TBC1D30: variants seen among roughly 807,000 people sequenced by gnomAD.
TBC1D30 encodes TBC1 domain family member 30.
A neutral mutation model predicts 63.2 loss-of-function variants in TBC1D30; 31 were observed. The observed-to-expected ratio is 0.49, with a 90% CI of 0.37 to 0.66. The LOEUF is 0.66. TBC1D30 is among the 30% of genes least tolerant of loss of function. The probability of loss-of-function intolerance (pLI) is 0.00; values close to 1 mark genes in which losing one functional copy is unlikely to be tolerated. For synonymous variants in TBC1D30, 307 were observed against 361.5 expected (o/e 0.85, Z 1.71); for missense variants, 810 against 953.6 (o/e 0.85, Z 1.98).
chr12:64,796,368 T>G (rs1378155242), intron 2 of TBC1D30, among the ~76,000 whole-genome samples: 2 of 151,664 alleles, frequency 1.3e-5, no homozygotes, highest in South Asian at 4.2e-4. Context: ...GACTCAGGAG[T>G]TTTTTGTTTG....
At chr12:64,797,653 T>C (rs942944976) in intron 2 of TBC1D30, among the ~76,000 whole-genome samples, 1 of 151,918 alleles carries the variant, frequency 6.6e-6, no homozygotes, top group Non-Finnish European at 1.5e-5. Context: ...CTCTCTCTCT[T>C]TCCCTTTTTA....
Position 64,878,259 on chromosome 12 carries a change from T to C in TBC1D30, c.*2471T>C, listed in dbSNP as rs1879225963. 1 of 333,270 alleles carries C rather than the reference T, an allele frequency of 3.0e-6. No homozygotes were observed. Among genetic ancestry groups the C allele is most frequent in the Admixed American group, 3.9e-5 (1 of 25,910 alleles). 20.6% of individuals were successfully genotyped at this position (333,270 alleles called of 1,614,324 possible). ...ATGTGAATTGGTCAATTTATGAGCC[T>C]TGCCTACTTTAGAAAATAAAGAAAC... is the stretch of plus-strand genomic sequence containing the variant. On this transcript the variant is annotated 3_prime_UTR_variant, in exon 12 of 12. Coordinates refer to ENST00000539867, the MANE Select transcript of TBC1D30 (RefSeq NM_015279.2).
upstream of TBC1D30, among the ~76,000 whole-genome samples, chr12:64,776,529 A>G (rs1871086333): frequency 6.6e-6 from 1 of 152,212 alleles, no homozygotes; most frequent in Non-Finnish European, 1.5e-5. Flanking sequence ...AAATTTCTGG[A>G]CACATACACC....
intron 11 of TBC1D30, among the ~76,000 whole-genome samples, chr12:64,871,938 C>A (rs1434118464): frequency 6.6e-6 from 1 of 152,182 alleles, no homozygotes; most frequent in African/African-American, 2.4e-5. Context: ...GCTAAATCGG[C>A]CCAGTGGTTT....
chr12:64,794,805 C>T (rs912919514), intron 2 of TBC1D30, among the ~76,000 whole-genome samples: 3 of 152,084 alleles, frequency 2.0e-5, no homozygotes, highest in African/African-American at 7.2e-5. Flanking sequence ...TGGAGATTAC[C>T]TCAACTTTAT....
chr12:64,813,888 A>G (rs1436708765), intron 2 of TBC1D30, among the ~76,000 whole-genome samples: 1 of 152,134 alleles, frequency 6.6e-6, no homozygotes, highest in African/African-American at 2.4e-5. Flanking sequence ...TGCTAGCTGC[A>G]GGCAGGGGAG....
chr12:64,834,433 G>T (rs1875144235), intron 5 of TBC1D30, among the ~76,000 whole-genome samples: 1 of 131,290 alleles, frequency 7.6e-6, no homozygotes, highest in Non-Finnish European at 1.6e-5. Flanking sequence ...TTGAGATAGA[G>T]TCTTGCTCTG....
chr12:64,870,599 C>T lies in TBC1D30; in HGVS notation c.1292-3C>T. 1.3e-6 allele frequency: 2 copies of T among 1,536,074 alleles called. No individual in the cohort carries two copies. Among genetic ancestry groups the T allele is most frequent in the South Asian group, 1.2e-5 (1 of 84,060 alleles). On this transcript the variant is annotated splice_polypyrimidine_tract_variant and splice_region_variant and intron_variant, in intron 10 of 11. Coordinates refer to ENST00000539867, the MANE Select transcript of TBC1D30 (RefSeq NM_015279.2). ...CTCCTTATGTCTCATCCTTCGAGCG[C>T]AGAGCCAAATGAGGAGCAGAGTCTG...
intron 2 of TBC1D30, among the ~76,000 whole-genome samples, chr12:64,789,627 T>C (rs1484243232): frequency 6.6e-6 from 1 of 152,236 alleles, no homozygotes; most frequent in East Asian, 1.9e-4. Flanking sequence ...TGAACCAAAA[T>C]GGCTAGATCA....
At chr12:64,763,980 A>G (rs1870616637) in intron 1 of TBC1D30, among the ~76,000 whole-genome samples, 1 of 152,148 alleles carries the variant, frequency 6.6e-6, no homozygotes, top group Admixed American at 6.5e-5. Context: ...TAATCATTAT[A>G]ATAGCTGTGT....
chr12:64,784,087 CTTTTCATT>C (rs1346052491), intron 1 of TBC1D30, among the ~76,000 whole-genome samples: 1 of 151,744 alleles, frequency 6.6e-6, no homozygotes, highest in Non-Finnish European at 1.5e-5. Context: ...TAAATGTTCT[CTTTTCATT>C]ATATCCTACT....
rs1874744549 is a variant in TBC1D30, at chr12:64,830,409, C to A, written c.315C>A (p.His105Gln). 6.5e-7 allele frequency: 1 copy of A among 1,533,880 alleles called. No homozygotes were observed. Among genetic ancestry groups the A allele is most frequent in the African/African-American group, 1.4e-5 (1 of 73,026 alleles). The change falls in exon 4 of 12, where the codon CAC becomes CAA. Residue 105 changes from histidine to glutamine, a missense_variant. His to Gln is a conservative substitution (Grantham distance 24, BLOSUM62 0). This residue lies in a region of TBC1D30 where 272 missense variants were observed against 335.9 expected (regional missense o/e 0.81). Transcript: ENST00000539867. ...VWLTLADHYL[H>Q]SIAIDWDKTM... ...TGACCTTGGCAGATCATTATTTGCA[C>A]AGTATAGCCATTGACTGGGACAAAA...
chr12:64,767,606 C>T (rs1870757981), intron 1 of TBC1D30, among the ~76,000 whole-genome samples: 1 of 152,038 alleles, frequency 6.6e-6, no homozygotes, highest in African/African-American at 2.4e-5. Context: ...TAACTCATCT[C>T]TGTGTCACAA....
At chr12:64,772,827 A>G (rs571282684) in intron 1 of TBC1D30, among the ~76,000 whole-genome samples, 7 of 152,318 alleles carry the variant, frequency 4.6e-5, no homozygotes, top group Admixed American at 1.3e-4. Context: ...AATCACTTTA[A>G]TACAGATGAG....
intron 2 of TBC1D30, among the ~76,000 whole-genome samples, chr12:64,792,936 A>G (rs879653366): frequency 1.7e-4 from 26 of 152,092 alleles, no homozygotes; most frequent in Non-Finnish European, 3.7e-4. Flanking sequence ...TTTTGATTCA[A>G]AGCTCAGCAA....
Position 64,835,481 on chromosome 12 carries a change from A to G in TBC1D30, c.595-1009A>G, listed in dbSNP as rs147378201. Reference sequence around the variant, plus strand: ...TCCATCGACATAGAGCCCATTATATATATAGAACCAGTTATGATTTTGTTC... The same window carrying G: ...TCCATCGACATAGAGCCCATTATATGTATAGAACCAGTTATGATTTTGTTC... On this transcript the variant is annotated intron_variant, in intron 5 of 11. Coordinates refer to ENST00000539867, the MANE Select transcript of TBC1D30 (RefSeq NM_015279.2). Among the ~76,000 whole-genome samples, 827 of 152,266 alleles carry G rather than the reference A, an allele frequency of 5.4e-3. 9 individuals are homozygous for G. The highest frequency in any genetic ancestry group is 0.019 in the African/African-American group (772 of 41,534).
intron 1 of TBC1D30, among the ~76,000 whole-genome samples, chr12:64,783,435 C>T (rs1871391112): frequency 6.6e-6 from 1 of 152,132 alleles, no homozygotes; most frequent in Admixed American, 6.5e-5. Context: ...ATGAAGTGCT[C>T]AACAGATGTT....
intron 9 of TBC1D30, among the ~76,000 whole-genome samples, chr12:64,865,519 A>T (rs1172321199): frequency 3.9e-5 from 6 of 152,036 alleles, no homozygotes. Flanking sequence ...CAAAATAGGG[A>T]TGGATATTGC....
intron 8 of TBC1D30, among the ~76,000 whole-genome samples, chr12:64,862,914 C>G (rs899035099): frequency 1.3e-5 from 2 of 152,104 alleles, no homozygotes; most frequent in Non-Finnish European, 2.9e-5. Flanking sequence ...CTACCCAGCC[C>G]CTAGAGAAGG....
Sources: allele counts gnomAD v4.1 joint callset (sites outside exome capture counted in the v4.1 genomes callset), GRCh38; gene constraint gnomAD v4.1.1; regional missense constraint gnomAD v4.1.1; transcripts MANE v1.5; gene names NCBI Gene and HGNC (gene_info 2026-07-23, HGNC 2026-07-21).